MMP20: variants seen among roughly 807,000 people sequenced by gnomAD.
The protein encoded by MMP20 is matrix metallopeptidase 20, also known as matrix metalloproteinase-20.
Under a neutral mutation model 51.8 loss-of-function variants are expected in MMP20, and 50 were observed. That is an observed-to-expected ratio of 0.97 (90% CI 0.77 to 1.22). The LOEUF is 1.22. Ranked by LOEUF, MMP20 falls within the 50% of genes most tolerant of loss-of-function variation. The pLI is 0.00. For missense variants in MMP20, 663 were observed against 601.4 expected (o/e 1.10, Z -1.07); for synonymous variants, 244 against 216.2 (o/e 1.13, Z -1.13).
intron 6 of MMP20, among the ~76,000 whole-genome samples, chr11:102,602,666 G>C (rs1309081558): frequency 6.6e-6 from 1 of 152,198 alleles, no homozygotes; most frequent in Non-Finnish European, 1.5e-5. Flanking sequence ...GGGAGGGTCT[G>C]CTGAGGCTAA....
At chr11:102,595,276 AAC>A (rs1434049254) in intron 6 of MMP20, among the ~76,000 whole-genome samples, 1 of 152,154 alleles carries the variant, frequency 6.6e-6, no homozygotes, top group Non-Finnish European at 1.5e-5. Context: ...GACCTTGGTA[AAC>A]AGTTTCTACT....
At chr11:102,623,039 G>A (rs1859770428) in intron 1 of MMP20, among the ~76,000 whole-genome samples, 1 of 152,208 alleles carries the variant, frequency 6.6e-6, no homozygotes, top group Admixed American at 6.5e-5. Flanking sequence ...GTCAGGTGAG[G>A]AGATGTGGAC....
chr11:102,617,162 G>A (rs1859685525), intron 1 of MMP20, 103 bp from the exon 2 acceptor site: 3 of 1,377,096 alleles, frequency 2.2e-6, no homozygotes, highest in African/African-American at 1.4e-5. Context: ...AAAGCAGTGT[G>A]TAGAGTATTT....
intron 8 of MMP20, among the ~76,000 whole-genome samples, chr11:102,585,941 G>C (rs1399485807): frequency 6.6e-6 from 1 of 151,974 alleles, no homozygotes; most frequent in Non-Finnish European, 1.5e-5. Context: ...TGAATTCCTG[G>C]GACAAATCCT....
chr11:102,606,745 C>T, intron 5 of MMP20, 69 bp from the exon 6 acceptor site: 1 of 1,570,082 alleles, frequency 6.4e-7, no homozygotes, highest in Non-Finnish European at 8.8e-7. Context: ...TGCTCTAGAG[C>T]CCCAGGGGAG....
chr11:102,597,345 G>C (rs1248881871), intron 6 of MMP20, among the ~76,000 whole-genome samples: 1 of 152,198 alleles, frequency 6.6e-6, no homozygotes, highest in Non-Finnish European at 1.5e-5. Flanking sequence ...TAGTAGTTAC[G>C]AGCTCAGGCA....
intron 5 of MMP20, among the ~76,000 whole-genome samples, chr11:102,608,704 A>G (rs1430264603): frequency 6.6e-6 from 1 of 150,924 alleles, no homozygotes; most frequent in East Asian, 1.9e-4. Flanking sequence ...ACAAATGACT[A>G]TATTTTCTAA....
At position 102,593,305 on chromosome 11, in the gene MMP20, C is replaced by T. The variant is rs544219497; in HGVS notation, c.1247+134G>A. 470 of 764,056 alleles carry T rather than the reference C, an allele frequency of 6.2e-4. 2 individuals are homozygous for T. The highest frequency in any genetic ancestry group is 1.4e-3 in the South Asian group (81 of 58,494). The allele number at this position is 764,056 out of a possible 1,614,324, so 47.3% of individuals were successfully genotyped here. A position where few individuals can be genotyped will look rare whatever the true frequency, so the allele number is the denominator to read the frequency against. The stretch of plus-strand genomic sequence containing the variant: ...TGAAGACAGTCAACCATCTGTAAAT[C>T]GCACCCCAGTGGCCGAGAAGAGTCA... On this transcript the variant is annotated intron_variant, in intron 8 of 9. Coordinates refer to ENST00000260228, the MANE Select transcript of MMP20 (RefSeq NM_004771.4).
intron 8 of MMP20, among the ~76,000 whole-genome samples, chr11:102,586,583 G>A (rs1282227197): frequency 6.7e-6 from 1 of 150,054 alleles, no homozygotes; most frequent in African/African-American, 2.4e-5. Context: ...TGAGGCTGAG[G>A]TGGGCGGATC....
At chr11:102,582,199 T>C (rs964513780) in intron 8 of MMP20, among the ~76,000 whole-genome samples, 1 of 152,224 alleles carries the variant, frequency 6.6e-6, no homozygotes, top group East Asian at 1.9e-4. Flanking sequence ...TTTAACCTAA[T>C]CTGCATGCTT....
At position 102,609,958 on chromosome 11, in the gene MMP20, A is replaced by G. The variant is rs1389724153; in HGVS notation, c.596T>C (p.Leu199Pro). 6.2e-7 allele frequency: 1 copy of G among 1,614,060 alleles called. No homozygotes were observed. Among genetic ancestry groups the G allele is most frequent in the Non-Finnish European group, 8.5e-7 (1 of 1,180,028 alleles). ...LAHAFAPGEGLGGDTHFDNAE... is the reference protein window; with the variant it reads ...LAHAFAPGEGPGGDTHFDNAE... Reference sequence around the variant, plus strand: ...ATTGTCGAAATGTGTATCTCCTCCCAGGCCTTCTCCAGGAGCAAATGCATG... The same window carrying G: ...ATTGTCGAAATGTGTATCTCCTCCCGGGCCTTCTCCAGGAGCAAATGCATG... The change falls in exon 4 of 10, where the codon CTG becomes CCG. Residue 199 changes from leucine (L) to proline (P), a missense_variant. Coordinates refer to ENST00000260228, the MANE Select transcript of MMP20 (RefSeq NM_004771.4).
Position 102,577,030 on chromosome 11 carries a change from A to C in MMP20, c.*296T>G. 2.8e-6 allele frequency: 1 copy of C among 351,074 alleles called. No homozygotes were observed. The highest frequency in any genetic ancestry group is 5.4e-6 in the Non-Finnish European group (1 of 186,498). The allele number at this position is 351,074 out of a possible 1,614,324, so 21.7% of individuals were successfully genotyped here. ...CCTCCTGGAAATAAAAATCAAACGG[A>C]TCAATCTGCTTCAGTATATTAGGTA... On this transcript the variant is annotated 3_prime_UTR_variant, in exon 10 of 10. Coordinates refer to ENST00000260228, the MANE Select transcript of MMP20 (RefSeq NM_004771.4).
chr11:102,588,682 A>T (rs1341344127), intron 8 of MMP20, among the ~76,000 whole-genome samples: 3 of 152,178 alleles, frequency 2.0e-5, no homozygotes, highest in Non-Finnish European at 2.9e-5. Context: ...CTTACTACTG[A>T]TGCTCTCTGG....
At chr11:102,592,604 TG>T (rs1859330168) in intron 8 of MMP20, among the ~76,000 whole-genome samples, 1 of 152,248 alleles carries the variant, frequency 6.6e-6, no homozygotes, top group Admixed American at 6.5e-5. Context: ...GGAACAAAGT[TG>T]GGTGCTCTCC....
intron 2 of MMP20, among the ~76,000 whole-genome samples, chr11:102,616,254 T>C (rs1283628314): frequency 6.6e-6 from 1 of 152,144 alleles, no homozygotes; most frequent in East Asian, 1.9e-4. Context: ...ATGTGAACTG[T>C]GGTCCCACAG....
At chr11:102,600,838 G>A (rs183802184) in intron 6 of MMP20, among the ~76,000 whole-genome samples, 40 of 152,110 alleles carry the variant, frequency 2.6e-4, no homozygotes, top group African/African-American at 9.4e-4. Context: ...TCACTGCTCT[G>A]CTGTGACTAT....
intron 1 of MMP20, among the ~76,000 whole-genome samples, chr11:102,623,450 A>G (rs1367009686): frequency 6.6e-6 from 1 of 152,186 alleles, no homozygotes; most frequent in Non-Finnish European, 1.5e-5. Flanking sequence ...CCTAGGTTGC[A>G]TGCTCTTTTG....
chr11:102,611,991 G>T, intron 2 of MMP20, 88 bp from the exon 3 acceptor site: 1 of 1,271,732 alleles, frequency 7.9e-7, no homozygotes, highest in Non-Finnish European at 1.1e-6. Flanking sequence ...AATGTTAAAT[G>T]TAAATCTACA....
At chr11:102,584,561 C>T (rs942169156) in intron 8 of MMP20, among the ~76,000 whole-genome samples, 3 of 152,114 alleles carry the variant, frequency 2.0e-5, no homozygotes, top group Admixed American at 2.0e-4. Context: ...ACATTTCTTC[C>T]CATTCCCTGG....
Sources: allele counts gnomAD v4.1 joint callset (sites outside exome capture counted in the v4.1 genomes callset), GRCh38; gene constraint gnomAD v4.1.1; transcripts MANE v1.5; gene names NCBI Gene and HGNC (gene_info 2026-07-23, HGNC 2026-07-21).